MAGI2: variants seen among roughly 807,000 people sequenced by gnomAD.
MAGI2 encodes membrane associated guanylate kinase, WW and PDZ domain containing 2.
Under a neutral mutation model 133.3 loss-of-function variants are expected in MAGI2, and 35 were observed. That is an observed-to-expected ratio of 0.26 (90% confidence interval 0.20 to 0.35). MAGI2 has a LOEUF of 0.35. Among genes scored for constraint, MAGI2 ranks in the 10% least tolerant of loss-of-function variants. The pLI is 1.00. For synonymous variants in MAGI2, 729 were observed against 710.6 expected (o/e 1.03, Z -0.41); for missense variants, 1,636 against 1,863.4 (o/e 0.88, Z 2.25).
chr7:79,233,850 G>C (rs1831617119), intron 1 of MAGI2, among the ~76,000 whole-genome samples: 1 of 151,310 alleles, frequency 6.6e-6, no homozygotes, highest in Non-Finnish European at 1.5e-5. Context: ...ATGTTAGCTG[G>C]TGATTTTGCT....
At chr7:79,134,186 G>T (rs1274823485) in intron 1 of MAGI2, among the ~76,000 whole-genome samples, 2 of 152,068 alleles carry the variant, frequency 1.3e-5, no homozygotes, top group African/African-American at 4.8e-5. Context: ...GGTCCTCTAG[G>T]TACCTACTTT....
intron 6 of MAGI2, among the ~76,000 whole-genome samples, chr7:78,402,026 G>A (rs539273200): frequency 6.6e-6 from 1 of 151,626 alleles, no homozygotes; most frequent in Non-Finnish European, 1.5e-5. Context: ...CCTTTATCTT[G>A]CTCCCGATCC....
intron 10 of MAGI2, among the ~76,000 whole-genome samples, chr7:78,238,429 G>T (rs1470709569): frequency 6.6e-6 from 1 of 151,976 alleles, no homozygotes; most frequent in Non-Finnish European, 1.5e-5. Flanking sequence ...CTCTGGGTGT[G>T]GTGGTACATG....
At chr7:78,652,285 C>T (rs1255529199) in intron 2 of MAGI2, among the ~76,000 whole-genome samples, 1 of 152,134 alleles carries the variant, frequency 6.6e-6, no homozygotes, top group Non-Finnish European at 1.5e-5. Flanking sequence ...CAGACTTTTG[C>T]TTACATGGTG....
chr7:78,401,577 T>A (rs1796872329), intron 6 of MAGI2, among the ~76,000 whole-genome samples: 1 of 152,166 alleles, frequency 6.6e-6, no homozygotes, highest in Admixed American at 6.6e-5. Context: ...CCGTTACATA[T>A]ATTCAGAAGT....
chr7:79,213,135 T>C (rs190702525), intron 1 of MAGI2, among the ~76,000 whole-genome samples: 1 of 152,088 alleles, frequency 6.6e-6, no homozygotes, highest in African/African-American at 2.4e-5. Context: ...ACTACCACTA[T>C]TCAAAAATTA....
chr7:78,978,172 T>C (rs556605261), intron 2 of MAGI2, among the ~76,000 whole-genome samples: 4 of 151,898 alleles, frequency 2.6e-5, no homozygotes, highest in African/African-American at 9.6e-5. Context: ...TTCTAGGCAT[T>C]TACCCAATTG....
chr7:78,136,558 T>C (rs1822161986), intron 16 of MAGI2, among the ~76,000 whole-genome samples: 1 of 152,190 alleles, frequency 6.6e-6, no homozygotes, highest in Non-Finnish European at 1.5e-5. Context: ...ACATCAATAG[T>C]ATACCCTGTG....
In MAGI2 at chr7:78,135,098, T is replaced by G; in HGVS notation, c.2954A>C (p.Asn985Thr). ...ILAVNGQSII[N>T]MPHADIVKLI... ...CTTCACGATGTCAGCGTGAGGCATG[T>G]TGATGATAGACTGGCCATTCACTGC... Residue 985 changes from asparagine to threonine, a missense_variant, in exon 17 of 22, where the codon AAC becomes ACC. Transcript: ENST00000354212. The G allele has an allele frequency of 6.2e-7, 1 of 1,614,130 alleles. No homozygotes were observed. The highest frequency in any genetic ancestry group is 1.7e-5 in the Admixed American group (1 of 60,020).
intron 20 of MAGI2, among the ~76,000 whole-genome samples, chr7:78,108,642 ATG>A (rs71844818): frequency 0.15 from 21,701 of 148,606 alleles, 1,690 homozygotes; most frequent in Middle Eastern, 0.21. Flanking sequence ...CTCTCTCTGT[ATG>A]TGTGTGTGTG....
At chr7:78,955,479 T>G (rs1802222333) in intron 2 of MAGI2, among the ~76,000 whole-genome samples, 2 of 152,102 alleles carry the variant, frequency 1.3e-5, no homozygotes, top group African/African-American at 4.8e-5. Flanking sequence ...AATTAATGGA[T>G]GAAGATGAAT....
chr7:78,510,102 T>C (rs1460406937), intron 4 of MAGI2, among the ~76,000 whole-genome samples: 1 of 152,314 alleles, frequency 6.6e-6, no homozygotes, highest in Middle Eastern at 3.4e-3. Context: ...GGGAACATAT[T>C]TGTAGTTCAT....
At chr7:78,402,951 T>C (rs1171952922) in intron 6 of MAGI2, among the ~76,000 whole-genome samples, 9 of 152,348 alleles carry the variant, frequency 5.9e-5, no homozygotes, top group Non-Finnish European at 8.8e-5. Context: ...AATTTGATTT[T>C]CTTATTAAGT....
chr7:79,254,138 A>G (rs973092379), intron 1 of MAGI2, among the ~76,000 whole-genome samples: 1 of 152,118 alleles, frequency 6.6e-6, no homozygotes, highest in Non-Finnish European at 1.5e-5. Context: ...AGTGAGGCTG[A>G]GCAATTTGTC....
At chr7:79,105,636 A>G (rs1304000868) in intron 1 of MAGI2, among the ~76,000 whole-genome samples, 1 of 152,210 alleles carries the variant, frequency 6.6e-6, no homozygotes. Flanking sequence ...ACAGTTAGGA[A>G]TTAAAAATAA....
intron 20 of MAGI2, among the ~76,000 whole-genome samples, chr7:78,093,320 G>A (rs1817407833): frequency 6.6e-6 from 1 of 151,478 alleles, no homozygotes; most frequent in Non-Finnish European, 1.5e-5. Context: ...AAATCATGGT[G>A]GCGCACGCCT....
chr7:78,200,841 A>G (rs1422415149), intron 11 of MAGI2, among the ~76,000 whole-genome samples: 2 of 152,214 alleles, frequency 1.3e-5, no homozygotes, highest in Admixed American at 6.5e-5. Context: ...CCATGTTATG[A>G]AGACTACATT....
intron 12 of MAGI2, among the ~76,000 whole-genome samples, chr7:78,194,442 G>C (rs764176398): frequency 2.6e-5 from 4 of 151,954 alleles, no homozygotes; most frequent in African/African-American, 4.8e-5. Flanking sequence ...AGCTGGGAAG[G>C]CTTGGCTGAC....
chr7:79,134,565 C>T (rs1821207865), intron 1 of MAGI2, among the ~76,000 whole-genome samples: 1 of 152,148 alleles, frequency 6.6e-6, no homozygotes, highest in African/African-American at 2.4e-5. Context: ...AATCTCTTAC[C>T]TTCTCTATAT....
Sources: gnomAD v4.1 joint callset for allele counts (sites outside exome capture counted in the v4.1 genomes callset) on GRCh38, gnomAD v4.1.1 for gene constraint, MANE v1.5 for transcripts, NCBI Gene and HGNC (gene_info 2026-07-23, HGNC 2026-07-21) for gene names.